Variants in DCLRE1C observed in about 807,000 individuals in gnomAD.
DCLRE1C encodes the protein protein artemis.
A neutral mutation model predicts 61.4 loss-of-function variants in DCLRE1C; 47 were observed. That is an observed-to-expected ratio of 0.77 (90% CI 0.61 to 0.98). The LOEUF is 0.98. Among genes scored for constraint, DCLRE1C ranks in the 50% least tolerant of loss-of-function variants. The pLI is 0.00. For synonymous variants in DCLRE1C, 337 were observed against 287.6 expected (o/e 1.17, Z -1.74); for missense variants, 858 against 816.0 (o/e 1.05, Z -0.63).
chr10:14,915,282 G>A (rs1268437082), intron 13 of DCLRE1C, among the ~76,000 whole-genome samples: 1 of 151,540 alleles, frequency 6.6e-6, no homozygotes, highest in Non-Finnish European at 1.5e-5. Context: ...AGATCAGAGT[G>A]GAATTCAATG....
rs907097178 is a variant in DCLRE1C at position 14,905,056 on chromosome 10, G to A, written c.*3352C>T. ...TTAATGTTCTATTTACCATGGCTTAGCTTTGTTTCTGTTTTACAGTCATTT... is the reference window on the plus strand; with the variant it reads ...TTAATGTTCTATTTACCATGGCTTAACTTTGTTTCTGTTTTACAGTCATTT... On this transcript the variant is annotated 3_prime_UTR_variant, in exon 14 of 14. Coordinates refer to ENST00000378278, the MANE Select transcript of DCLRE1C (RefSeq NM_001033855.3). Among the ~76,000 whole-genome samples, 5 of 152,184 alleles carry A rather than the reference G, an allele frequency of 3.3e-5. No homozygotes were observed. The East Asian group carries it at 5.8e-4, about 18-fold the overall frequency.
chr10:14,941,535 C>T (rs1172359439), intron 3 of DCLRE1C, among the ~76,000 whole-genome samples: 2 of 152,214 alleles, frequency 1.3e-5, no homozygotes, highest in African/African-American at 2.4e-5. Flanking sequence ...AATTGTCCCA[C>T]CTTGGCCTCC....
intron 9 of DCLRE1C, among the ~76,000 whole-genome samples, chr10:14,930,475 C>T (rs982536753): frequency 6.6e-6 from 1 of 151,864 alleles, no homozygotes; most frequent in African/African-American, 2.4e-5. Context: ...CTCTGTCACC[C>T]AGACTGGAGT....
intron 11 of DCLRE1C, among the ~76,000 whole-genome samples, chr10:14,924,526 C>G (rs1305108225): frequency 1.3e-5 from 2 of 152,062 alleles, no homozygotes; most frequent in Non-Finnish European, 1.5e-5. Context: ...ATGTGAAGTG[C>G]TTAGCTTGGT....
At chr10:14,936,015 T>G (rs1318275842) in intron 5 of DCLRE1C, among the ~76,000 whole-genome samples, 1 of 152,136 alleles carries the variant, frequency 6.6e-6, no homozygotes, top group Non-Finnish European at 1.5e-5. Flanking sequence ...ATCAAGCAAT[T>G]CCCCAGTAGC....
Position 14,909,034 on chromosome 10 carries a change from C to T in DCLRE1C, c.1453G>A (p.Asp485Asn). 1.2e-6 allele frequency: 2 copies of T among 1,614,066 alleles called. No homozygotes were observed. The highest frequency in any genetic ancestry group is 1.3e-5 in the African/African-American group (1 of 75,038). Residue 485 changes from aspartate (D) to asparagine (N), a missense_variant, in exon 14 of 14, where the codon GAT becomes AAT. Asp to Asn is a conservative substitution (Grantham distance 23, BLOSUM62 1). Around this residue, in one of 2 missense-constraint regions of DCLRE1C, gnomAD observed 843 missense variants for 783.5 expected, o/e 1.08. Transcript: ENST00000378278. The stretch of plus-strand genomic sequence containing the variant: ...AAGAATACTTCCCACTGGGGTACAT[C>T]CCCATCAGCCTTTTGCAGGTGAAGT... Reference protein sequence around the residue: ...SVLHLQKADGDVPQWEVFFKR... With the variant: ...SVLHLQKADGNVPQWEVFFKR...
At chr10:14,911,346 A>G (rs1183825851) in intron 13 of DCLRE1C, 1 of 152,244 alleles carries the variant, frequency 6.6e-6, no homozygotes, top group Non-Finnish European at 1.5e-5. Context: ...TAACAAAGGT[A>G]AAAGACACGA....
chr10:14,916,444 A>C (rs530078372), intron 13 of DCLRE1C, among the ~76,000 whole-genome samples: 2 of 152,304 alleles, frequency 1.3e-5, no homozygotes, highest in South Asian at 2.1e-4. Flanking sequence ...CCTAATCCAA[A>C]AGTCTGACAT....
At position 14,905,022 on chromosome 10, in the gene DCLRE1C, G is replaced by A. The variant is rs928413938; in HGVS notation, c.*3386C>T. Reference sequence around the variant, plus strand: ...AGTTTCTCTTAGCAAAATAAATTAGGTTGGGCATTTAATGTTCTATTTACC... The same window carrying A: ...AGTTTCTCTTAGCAAAATAAATTAGATTGGGCATTTAATGTTCTATTTACC... On this transcript the variant is annotated 3_prime_UTR_variant, in exon 14 of 14. Transcript: ENST00000378278. Among the ~76,000 whole-genome samples, 1 of 152,114 alleles carries A rather than the reference G, an allele frequency of 6.6e-6. No homozygotes were observed. The highest frequency in any genetic ancestry group is 6.5e-5 in the Admixed American group (1 of 15,284).
At chr10:14,943,058 T>C (rs539735753) in intron 3 of DCLRE1C, among the ~76,000 whole-genome samples, 652 of 151,706 alleles carry the variant, frequency 4.3e-3, no homozygotes, top group African/African-American at 0.015. Flanking sequence ...ACCGGTTAGA[T>C]GGAGGTTGCG....
chr10:14,952,229 G>C (rs1202201111), intron 1 of DCLRE1C, among the ~76,000 whole-genome samples: 2 of 151,840 alleles, frequency 1.3e-5, no homozygotes, highest in African/African-American at 4.8e-5. Context: ...ACTCCAGTGC[G>C]GCTCTACACA....
At chr10:14,936,678 A>T (rs2130975668) in intron 4 of DCLRE1C, 85 bp from the exon 5 acceptor site, 2 of 876,940 alleles carry the variant, frequency 2.3e-6, no homozygotes, top group South Asian at 1.4e-5. Flanking sequence ...CACAGAACAC[A>T]TTTATGTACC....
chr10:14,935,943 C>T (rs578110356), intron 5 of DCLRE1C, among the ~76,000 whole-genome samples: 2 of 152,346 alleles, frequency 1.3e-5, no homozygotes, highest in African/African-American at 4.8e-5. Context: ...GAGTCTTGCT[C>T]TGTCCCCCAG....
chr10:14,944,305 C>T (rs2131094119), intron 3 of DCLRE1C, among the ~76,000 whole-genome samples: 1 of 152,194 alleles, frequency 6.6e-6, no homozygotes, highest in African/African-American at 2.4e-5. Flanking sequence ...TTGAGACCTG[C>T]CTGACCAACA....
chr10:14,926,467 T>C (rs962105226), intron 11 of DCLRE1C, among the ~76,000 whole-genome samples: 1 of 151,940 alleles, frequency 6.6e-6, no homozygotes, highest in East Asian at 1.9e-4. Flanking sequence ...GCCTGGCCAA[T>C]GTGGTAAAAC....
chr10:14,946,661 A>G (rs1012583980), intron 2 of DCLRE1C, among the ~76,000 whole-genome samples: 2 of 121,650 alleles, frequency 1.6e-5, no homozygotes, highest in Admixed American at 1.9e-4. Flanking sequence ...GACTCACGCT[A>G]AAGAGATTTT....
intron 11 of DCLRE1C, among the ~76,000 whole-genome samples, chr10:14,924,389 A>G (rs1201013841): frequency 6.6e-6 from 1 of 152,230 alleles, no homozygotes; most frequent in East Asian, 1.9e-4. Flanking sequence ...TCCTCAAAAC[A>G]TCTCTACAAC....
At chr10:14,922,550 T>C (rs576698045) in intron 12 of DCLRE1C, among the ~76,000 whole-genome samples, 11 of 152,294 alleles carry the variant, frequency 7.2e-5, no homozygotes, top group Admixed American at 6.5e-4. Context: ...CACCTCTCCT[T>C]TGGCTTCAGT....
intron 13 of DCLRE1C, among the ~76,000 whole-genome samples, chr10:14,913,027 TTG>T (rs1410894987): frequency 6.7e-6 from 1 of 149,582 alleles, no homozygotes; most frequent in Non-Finnish European, 1.5e-5. Flanking sequence ...GGCTAATTTT[TTG>T]TGTTTTTAGT....
Sources: allele counts gnomAD v4.1 joint callset (sites outside exome capture counted in the v4.1 genomes callset), GRCh38; gene constraint gnomAD v4.1.1; regional missense constraint gnomAD v4.1.1; transcripts MANE v1.5; gene names NCBI Gene and HGNC (gene_info 2026-07-23, HGNC 2026-07-21).